MGAT4C: variants seen among roughly 807,000 people sequenced by gnomAD.
MGAT4C encodes the protein MGAT4 family member C, also known as alpha-1,3-mannosyl-glycoprotein 4-beta-N-acetylglucosaminyltransferase C.
In MGAT4C, 19 loss-of-function variants were observed where a neutral mutation model predicts 40.1. That is an observed-to-expected ratio of 0.47 (90% CI 0.33 to 0.70). MGAT4C has a LOEUF of 0.70. Ranked by LOEUF, MGAT4C falls within the 30% of genes least tolerant of loss-of-function variation. MGAT4C has a pLI of 0.02. For synonymous variants in MGAT4C, 181 were observed against 187.1 expected (o/e 0.97, Z 0.27); for missense variants, 491 against 563.2 (o/e 0.87, Z 1.30).
intron 4 of MGAT4C, among the ~76,000 whole-genome samples, chr12:86,277,135 C>T (rs1953097545): frequency 6.6e-6 from 1 of 152,088 alleles, no homozygotes; most frequent in Admixed American, 6.6e-5. Flanking sequence ...TTAACTGGAG[C>T]AAGATGATAT....
intron 2 of MGAT4C, among the ~76,000 whole-genome samples, chr12:86,530,948 A>C (rs957828299): frequency 3.3e-5 from 5 of 152,080 alleles, no homozygotes; most frequent in African/African-American, 1.2e-4. Context: ...TTCAATGCAT[A>C]ATACATGAGA....
chr12:86,073,829 G>A (rs944368943), intron 1 of MGAT4C, among the ~76,000 whole-genome samples: 3 of 152,140 alleles, frequency 2.0e-5, no homozygotes, highest in Non-Finnish European at 2.9e-5. Flanking sequence ...ATAAGACTAC[G>A]GACTGTGGAC....
At chr12:86,531,253 T>C (rs757222056) in intron 2 of MGAT4C, among the ~76,000 whole-genome samples, 3 of 152,104 alleles carry the variant, frequency 2.0e-5, no homozygotes, top group Admixed American at 6.6e-5. Context: ...CTGTCCATCA[T>C]TTCCTCTACT....
intron 2 of MGAT4C, among the ~76,000 whole-genome samples, chr12:86,604,504 GCATGCACACA>G (rs1961973319): frequency 6.6e-6 from 1 of 152,100 alleles, no homozygotes; most frequent in African/African-American, 2.4e-5. Context: ...CTGTTTTCAG[GCATGCACACA>G]CATGCACAGA....
intron 1 of MGAT4C, among the ~76,000 whole-genome samples, chr12:86,112,671 A>G (rs1328383575): frequency 6.6e-6 from 1 of 151,816 alleles, no homozygotes; most frequent in Non-Finnish European, 1.5e-5. Context: ...CACATACAAT[A>G]AAAGTTTGAC....
intron 2 of MGAT4C, among the ~76,000 whole-genome samples, chr12:86,526,081 G>T (rs1184233774): frequency 6.6e-6 from 1 of 152,204 alleles, no homozygotes; most frequent in East Asian, 1.9e-4. Flanking sequence ...GGGAGTTCCT[G>T]CTGGTAACTG....
At chr12:86,514,111 A>ACAC (rs1475679807) in intron 2 of MGAT4C, among the ~76,000 whole-genome samples, 17 of 126,658 alleles carry the variant, frequency 1.3e-4, no homozygotes, top group African/African-American at 5.1e-4. Context: ...CACACACACA[A>ACAC]CCCCGGCTTA....
At chr12:86,439,134 A>G (rs1957185833) in intron 2 of MGAT4C, among the ~76,000 whole-genome samples, 1 of 151,998 alleles carries the variant, frequency 6.6e-6, no homozygotes, top group African/African-American at 2.4e-5. Flanking sequence ...AACCTAACAG[A>G]TATTTATAGC....
chr12:86,665,727 A>C (rs1462137506), intron 2 of MGAT4C, among the ~76,000 whole-genome samples: 1 of 152,178 alleles, frequency 6.6e-6, no homozygotes, highest in Non-Finnish European at 1.5e-5. Context: ...TATACAATTT[A>C]ATGCAATTTC....
chr12:86,301,119 C>CT (rs1280819277), intron 4 of MGAT4C, among the ~76,000 whole-genome samples: 1 of 152,164 alleles, frequency 6.6e-6, no homozygotes, highest in African/African-American at 2.4e-5. Flanking sequence ...TGTTGGTCCT[C>CT]TTTAACTCAT....
rs1427628982 is a variant in MGAT4C at position 86,190,677 on chromosome 12, G to T, written c.-57+65562C>A. Reference sequence around the variant, plus strand: ...AATTTTACTTCTAAGTAAATACTCTGTGATGATGAATATTACACATCAATT... The same window carrying T: ...AATTTTACTTCTAAGTAAATACTCTTTGATGATGAATATTACACATCAATT... On this transcript the variant is annotated intron_variant, in intron 1 of 4. Transcript: ENST00000611864. Among the ~76,000 whole-genome samples, 3 of 151,950 alleles carry T rather than the reference G, an allele frequency of 2.0e-5. 1 individual carries two copies. The highest frequency in any genetic ancestry group is 7.2e-5 in the African/African-American group (3 of 41,388).
At chr12:86,116,112 C>T (rs552060935) in intron 1 of MGAT4C, among the ~76,000 whole-genome samples, 141 of 151,668 alleles carry the variant, frequency 9.3e-4, no homozygotes, top group African/African-American at 3.3e-3. Context: ...GCTGCTCTGG[C>T]CCAACTATAG....
intron 1 of MGAT4C, among the ~76,000 whole-genome samples, chr12:86,806,798 T>A (rs758789803): frequency 1.3e-5 from 2 of 152,014 alleles, no homozygotes; most frequent in African/African-American, 4.8e-5. Context: ...TAGGTGGGAA[T>A]TGAACAACGA....
intron 1 of MGAT4C, among the ~76,000 whole-genome samples, chr12:86,106,538 C>G (rs1876214023): frequency 6.6e-6 from 1 of 152,150 alleles, no homozygotes; most frequent in Non-Finnish European, 1.5e-5. Flanking sequence ...CTCCTGGGCT[C>G]AAGCAATCCT....
chr12:86,809,472 G>T (rs1417947421), intron 1 of MGAT4C, among the ~76,000 whole-genome samples: 1 of 151,940 alleles, frequency 6.6e-6, no homozygotes, highest in East Asian at 1.9e-4. Context: ...GGTTCCCAGA[G>T]TATATCCACC....
intron 2 of MGAT4C, among the ~76,000 whole-genome samples, chr12:86,649,388 G>C (rs534474805): frequency 1.6e-4 from 25 of 151,872 alleles, no homozygotes; most frequent in African/African-American, 6.0e-4. Flanking sequence ...GATCTTTAAT[G>C]TAGTAGATGT....
At chr12:86,687,506 A>C (rs923914920) in intron 2 of MGAT4C, among the ~76,000 whole-genome samples, 2 of 152,134 alleles carry the variant, frequency 1.3e-5, no homozygotes, top group African/African-American at 2.4e-5. Context: ...ACACTGCTTT[A>C]GCTGTTTCCC....
In MGAT4C at chr12:86,201,803, C is replaced by T. The variant is rs577542990; in HGVS notation, c.-57+54436G>A. 7.2e-5 allele frequency among the ~76,000 whole-genome samples: 11 copies of T among 151,986 alleles called. No homozygotes were observed. In the South Asian group the frequency reaches 2.1e-3, roughly 29 times the overall value. Reference sequence around the variant, plus strand: ...AATCCATGAAAACTATTTGTCTTGCCATAGACCTTCTTTACCATTTCTCCC... The same window carrying T: ...AATCCATGAAAACTATTTGTCTTGCTATAGACCTTCTTTACCATTTCTCCC... On this transcript the variant is annotated intron_variant, in intron 1 of 4. Transcript: ENST00000611864.
At chr12:86,623,251 A>G (rs1962694155) in intron 2 of MGAT4C, among the ~76,000 whole-genome samples, 1 of 152,168 alleles carries the variant, frequency 6.6e-6, no homozygotes, top group Admixed American at 6.6e-5. Flanking sequence ...GAATATGGAT[A>G]TGCAGTAATC....
Sources: gnomAD v4.1 joint callset for allele counts (sites outside exome capture counted in the v4.1 genomes callset) on GRCh38, gnomAD v4.1.1 for gene constraint, MANE v1.5 for transcripts, NCBI Gene and HGNC (gene_info 2026-07-23, HGNC 2026-07-21) for gene names.